The following SVEP1 variants were observed in gnomAD, a reference collection of about 807,000 sequenced individuals.
SVEP1 encodes sushi, von Willebrand factor type A, EGF and pentraxin domain-containing protein 1.
SVEP1 carries 164 observed loss-of-function variants against 367.3 expected under a neutral mutation model. The ratio of observed to expected loss-of-function variants is 0.45; its 90% CI spans 0.39 to 0.51. The LOEUF (loss-of-function observed/expected upper bound fraction) is 0.51. SVEP1 is among the 20% of genes least tolerant of loss of function. The probability of loss-of-function intolerance (pLI) is 0.00; values close to 1 mark genes in which losing one functional copy is unlikely to be tolerated. For missense variants in SVEP1, 4,117 were observed against 4,425.3 expected, an observed-to-expected ratio of 0.93 and a Z score of 1.98; for synonymous variants, 1,666 against 1,611.6, an observed-to-expected ratio of 1.03 and a Z score of -0.81.
At chr9:110,439,555 G>A (rs892037244) in intron 27 of SVEP1, among the ~76,000 whole-genome samples, 5 of 150,598 alleles carry the variant, frequency 3.3e-5, no homozygotes, top group East Asian at 1.9e-4. Flanking sequence ...CACCACGCCC[G>A]GCTAATTTTT....
At chr9:110,454,395 T>A (rs1828744533) in intron 22 of SVEP1, among the ~76,000 whole-genome samples, 1 of 152,176 alleles carries the variant, frequency 6.6e-6, no homozygotes, top group African/African-American at 2.4e-5. Context: ...GGTGAAAGGC[T>A]GGGGTTCAGT....
At chr9:110,474,322 G>A (rs1342182572) in intron 14 of SVEP1, among the ~76,000 whole-genome samples, 1 of 152,056 alleles carries the variant, frequency 6.6e-6, no homozygotes, top group Non-Finnish European at 1.5e-5. Flanking sequence ...TATATTACAT[G>A]ATTATTATGA....
intron 2 of SVEP1, among the ~76,000 whole-genome samples, chr9:110,547,222 G>A (rs1453515293): frequency 1.3e-5 from 2 of 152,142 alleles, no homozygotes; most frequent in Non-Finnish European, 2.9e-5. Flanking sequence ...AGTGCAACCA[G>A]GTACCCTGGT....
In SVEP1 at chr9:110,436,390, G is replaced by A; in HGVS notation, c.4754C>T (p.Ser1585Phe). 6.2e-7 allele frequency: 1 copy of A among 1,613,920 alleles called. No individual in the cohort carries two copies. The highest frequency in any genetic ancestry group is 8.5e-7 in the Non-Finnish European group (1 of 1,179,850). ...GAAAATGGAATTGACCTGCTGTGGA[G>A]ACAGGACATAGTCCCAGAGGTTGAG... ...SQLNLWDYVL[S>F]PQQVKSLATS... Residue 1585 changes from serine (S) to phenylalanine (F), a missense_variant, in exon 28 of 48, where the codon TCT becomes TTT. Transcript: ENST00000374469.
Position 110,406,321 on chromosome 9 carries a change from T to C in SVEP1, c.9279A>G (p.Gly3093=). 1 of 1,614,080 alleles carries C rather than the reference T, an allele frequency of 6.2e-7. No homozygotes were observed. The highest frequency in any genetic ancestry group is 8.5e-7 in the Non-Finnish European group (1 of 1,179,904). The part of the protein sequence containing the change: ...ENVITYSCRS[G]YVIQGSSDLI... ...GATCTGAACTGCCTTGTATGACATA[T>C]CCAGACCTGCAGCTGTAAGTTATCA... Residue 3093 remains glycine (G), a synonymous_variant, in exon 38 of 48, where the codon GGA becomes GGG. Transcript: ENST00000374469.
chr9:110,434,428 A>C lies in SVEP1; in HGVS notation c.4967T>G (p.Leu1656Arg). 6.2e-7 allele frequency: 1 copy of C among 1,613,648 alleles called. No individual in the cohort carries two copies. Among genetic ancestry groups the C allele is most frequent in the Non-Finnish European group, 8.5e-7 (1 of 1,179,762 alleles). ...EDLKPGSKVN[L>R]FCDPGFQLVG... ...CAGCTGGAAGCCTGGATCACAGAAC[A>C]GATTGACTTTGGAACCTGGCTTTAA... The change falls in exon 30 of 48, where the codon CTG becomes CGG. Residue 1656 changes from leucine to arginine, a missense_variant. Physicochemically the swap from Leu to Arg is moderately radical, Grantham distance 102. Transcript: ENST00000374469.
chr9:110,472,468 A>C, intron 14 of SVEP1, 145 bp from the exon 15 acceptor site: 2 of 637,224 alleles, frequency 3.1e-6, no homozygotes. Flanking sequence ...TTGGTCTACA[A>C]TGTTATATAT....
At chr9:110,477,386 T>C (rs1389019323) in intron 13 of SVEP1, among the ~76,000 whole-genome samples, 1 of 152,186 alleles carries the variant, frequency 6.6e-6, no homozygotes, top group Non-Finnish European at 1.5e-5. Context: ...TTAACCTTGG[T>C]TAAATTAATC....
chr9:110,574,015 G>A (rs2118888449), intron 1 of SVEP1, among the ~76,000 whole-genome samples: 1 of 152,318 alleles, frequency 6.6e-6, no homozygotes, highest in East Asian at 1.9e-4. Context: ...TGTGATAATG[G>A]TGAGTACCCA....
chr9:110,574,552 C>T lies in SVEP1; in HGVS notation c.531+4461G>A, dbSNP rs370348462. On this transcript the variant is annotated intron_variant, in intron 1 of 47. Transcript: ENST00000374469. ...TTCAAACTAACTTTGCAGCTAAATG[C>T]TTCTGCCTGATCCCTATGCAAAAAT... Among the ~76,000 whole-genome samples the T allele has an allele frequency of 8.5e-5, 13 of 152,274 alleles. No homozygotes were observed. In the East Asian group the frequency reaches 1.7e-3, roughly 20 times the overall value.
chr9:110,553,056 G>A (rs1437614675), intron 1 of SVEP1, among the ~76,000 whole-genome samples: 3 of 152,166 alleles, frequency 2.0e-5, no homozygotes, highest in Non-Finnish European at 4.4e-5. Flanking sequence ...TGCATTAAAG[G>A]TTATGAAACT....
intron 3 of SVEP1, among the ~76,000 whole-genome samples, chr9:110,534,728 T>A (rs1356277184): frequency 9.2e-5 from 14 of 152,198 alleles, no homozygotes. Context: ...CTGACTAGTA[T>A]GAGGTAGTAT....
At chr9:110,384,454 G>A (rs1193977126) in intron 43 of SVEP1, among the ~76,000 whole-genome samples, 2 of 134,786 alleles carry the variant, frequency 1.5e-5, no homozygotes, top group East Asian at 2.2e-4. Context: ...TCCGGCCACA[G>A]CTGTTTCTAG....
chr9:110,411,108 C>A lies in SVEP1; in HGVS notation c.6603G>T (p.Pro2201=), dbSNP rs568846578. 3 of 1,608,460 alleles carry A rather than the reference C, an allele frequency of 1.9e-6. No individual in the cohort carries two copies. The highest frequency in any genetic ancestry group is 4.5e-5 in the East Asian group (2 of 44,806). ...QWSSPIPTCH[P]VSCGEPPKVE... is the part of the protein sequence containing the mutation. ...CCTTAGGTGGTTCACCACAAGATAC[C>A]GGGTGGCACGTCGGTATAGGACTAC... Residue 2201 remains proline, a synonymous_variant, in exon 37 of 48, where the codon CCG becomes CCT. Coordinates refer to ENST00000374469, the MANE Select transcript of SVEP1 (RefSeq NM_153366.4).
intron 5 of SVEP1, among the ~76,000 whole-genome samples, chr9:110,512,389 T>C (rs1829732341): frequency 1.3e-5 from 2 of 152,224 alleles, no homozygotes; most frequent in Non-Finnish European, 2.9e-5. Flanking sequence ...ATTGCTTCTC[T>C]GTATTTGACA....
chr9:110,567,998 G>A (rs894413313), intron 1 of SVEP1, among the ~76,000 whole-genome samples: 4 of 152,140 alleles, frequency 2.6e-5, no homozygotes, highest in East Asian at 1.9e-4. Flanking sequence ...CTTAAGCTGC[G>A]ATACTTCTAA....
intron 22 of SVEP1, 112 bp downstream of exon 22, chr9:110,455,478 T>G (rs1320071023): frequency 2.7e-6 from 2 of 734,128 alleles, no homozygotes; most frequent in South Asian, 5.4e-5. Context: ...TTCTTCAATA[T>G]GTTTATAATA....
At chr9:110,437,956 AATAAATT>A (rs1195356077) in intron 27 of SVEP1, among the ~76,000 whole-genome samples, 1 of 152,114 alleles carries the variant, frequency 6.6e-6, no homozygotes, top group Non-Finnish European at 1.5e-5. Context: ...AAATTTTTAA[AATAAATT>A]ATAAAGAACT....
intron 10 of SVEP1, 108 bp downstream of exon 10, chr9:110,483,478 C>T (rs10817030): frequency 0.21 from 123,445 of 591,038 alleles, 14,088 homozygotes; most frequent in South Asian, 0.26. Flanking sequence ...ATTCATTCTC[C>T]CTAGACAGTT....
Sources: allele counts gnomAD v4.1 joint callset (sites outside exome capture counted in the v4.1 genomes callset), GRCh38; gene constraint gnomAD v4.1.1; transcripts MANE v1.5; gene names NCBI Gene and HGNC (gene_info 2026-07-23, HGNC 2026-07-21).